MGST1: variants seen among roughly 807,000 people sequenced by gnomAD.
MGST1 encodes the protein glutathione S-transferase 12.
A neutral mutation model predicts 8.9 loss-of-function variants in MGST1; 5 were observed. The ratio of observed to expected loss-of-function variants is 0.56; its 90% CI spans 0.29 to 1.19. MGST1 has a LOEUF of 1.19. MGST1 is among the 50% of genes most tolerant of loss of function. The pLI, the probability that MGST1 is intolerant of heterozygous loss-of-function variation, is 0.08. For synonymous variants in MGST1, 54 were observed against 67.8 expected, an observed-to-expected ratio of 0.80 and a Z score of 1.00; for missense variants, 182 against 187.4, an observed-to-expected ratio of 0.97 and a Z score of 0.17.
chr12:16,368,400 C>T (rs1442910807), downstream of MGST1, among the ~76,000 whole-genome samples: 4 of 152,116 alleles, frequency 2.6e-5, no homozygotes, highest in Non-Finnish European at 5.9e-5. Flanking sequence ...AGGCAATTTG[C>T]CTTGGGAGTC....
chr12:16,526,991 T>C (rs1555109592), intron 4 of MGST1, among the ~76,000 whole-genome samples: 7 of 152,130 alleles, frequency 4.6e-5, no homozygotes, highest in Middle Eastern at 6.8e-3. Context: ...CTGCTGTATC[T>C]ATCATCATCT....
Position 16,544,591 on chromosome 12 carries a change from C to T in MGST1, n.483-44937C>T, listed in dbSNP as rs1307280005. 6.6e-6 allele frequency among the ~76,000 whole-genome samples: 1 copy of T among 151,884 alleles called. No homozygotes were observed. The highest frequency in any genetic ancestry group is 1.5e-5 in the Non-Finnish European group (1 of 67,906). On this transcript the variant is annotated intron_variant and non_coding_transcript_variant, in intron 4 of 4. Coordinates refer to the MGST1 transcript ENST00000538857. This position sits in a 1 kb window ranked among gnomAD's most constrained non-coding sequence, Gnocchi z 4.8. ...CATTATAATCAGTTCAGAAGTGGTC[C>T]AGTAATTTGTGTGAGAAAAAGAATT...
downstream of MGST1, chr12:16,438,904 G>C (rs551509682): frequency 6.6e-6 from 1 of 151,936 alleles, no homozygotes; most frequent in East Asian, 2.0e-4. Context: ...GTGAGCAAAG[G>C]GGGTGAAAGG....
At chr12:16,379,523 T>G (rs1172642281), downstream of MGST1, among the ~76,000 whole-genome samples, 1 of 152,238 alleles carries the variant, frequency 6.6e-6, no homozygotes, top group African/African-American at 2.4e-5. Flanking sequence ...GGATAAGTTT[T>G]TGATGTGCTG....
chr12:16,581,970 T>C (rs527841845), intron 4 of MGST1, among the ~76,000 whole-genome samples: 23 of 152,248 alleles, frequency 1.5e-4, no homozygotes, highest in African/African-American at 5.1e-4. Context: ...TTTTTTACTA[T>C]TTATATTTAT....
At chr12:16,528,519 A>G (rs941471292) in intron 4 of MGST1, among the ~76,000 whole-genome samples, 3 of 152,064 alleles carry the variant, frequency 2.0e-5, no homozygotes, top group Non-Finnish European at 1.5e-5. Flanking sequence ...CTAGGCAGTC[A>G]GATGTATGTC....
chr12:16,365,090 G>T (rs1266755992), downstream of MGST1, among the ~76,000 whole-genome samples: 1 of 152,100 alleles, frequency 6.6e-6, no homozygotes, highest in African/African-American at 2.4e-5. Context: ...ATTTAGTAAG[G>T]TAGTGTCAAC....
chr12:16,351,604 G>A (rs1027464791), intron 1 of MGST1, among the ~76,000 whole-genome samples: 3 of 152,160 alleles, frequency 2.0e-5, no homozygotes, highest in African/African-American at 7.2e-5. Context: ...GAGGTCAGGA[G>A]TTTAAGACCA....
At chr12:16,426,073 C>T (rs1940883687) in intron 1 of MGST1, among the ~76,000 whole-genome samples, 1 of 152,162 alleles carries the variant, frequency 6.6e-6, no homozygotes, top group African/African-American at 2.4e-5. Context: ...ACCCTCCACA[C>T]TCCTAATAGA....
At chr12:16,545,353 C>A (rs1443915885) in intron 4 of MGST1, among the ~76,000 whole-genome samples, 1 of 152,014 alleles carries the variant, frequency 6.6e-6, no homozygotes, top group Non-Finnish European at 1.5e-5. Context: ...ACCGATGTCT[C>A]TCAGGCAAAT....
rs774047027 is a variant in MGST1, at chr12:16,361,583, G to A, written c.222-2212G>A. Among the ~76,000 whole-genome samples the A allele has an allele frequency of 5.9e-5, 9 of 152,208 alleles. No individual in the cohort carries two copies. The highest frequency in any genetic ancestry group is 2.1e-4 in the South Asian group (1 of 4,828). ...GTGAAGGAAGCTGCCGCTCCAGGAA[G>A]GAGTCTGTCGTTGGAGAAGAGGGGA... On this transcript the variant is annotated intron_variant, in intron 3 of 3. Transcript: ENST00000396210. This position sits in a 1 kb window ranked among gnomAD's most constrained non-coding sequence, Gnocchi z 4.2.
chr12:16,421,761 G>A (rs1227992177), intron 1 of MGST1, among the ~76,000 whole-genome samples: 1 of 152,094 alleles, frequency 6.6e-6, no homozygotes, highest in African/African-American at 2.4e-5. Flanking sequence ...TCATGATGGT[G>A]GGTCAAAGAC....
intron 1 of MGST1, among the ~76,000 whole-genome samples, chr12:16,398,402 A>G (rs1565447081): frequency 6.6e-6 from 1 of 152,214 alleles, no homozygotes; most frequent in Non-Finnish European, 1.5e-5. Context: ...TGTTGTAGAT[A>G]TGGCCTCCCT....
chr12:16,487,628 C>A (rs933893029), intron 4 of MGST1, among the ~76,000 whole-genome samples: 4 of 152,072 alleles, frequency 2.6e-5, no homozygotes, highest in African/African-American at 9.7e-5. Context: ...GAAATAATAT[C>A]TATATCTTCT....
At chr12:16,528,377 A>AG (rs1941702359) in intron 4 of MGST1, among the ~76,000 whole-genome samples, 1 of 152,052 alleles carries the variant, frequency 6.6e-6, no homozygotes. Context: ...GACAATAAAA[A>AG]TGAATATAAA....
At chr12:16,558,196 T>C (rs1411267661) in intron 4 of MGST1, among the ~76,000 whole-genome samples, 1 of 152,106 alleles carries the variant, frequency 6.6e-6, no homozygotes, top group African/African-American at 2.4e-5. Flanking sequence ...ATTTATACAA[T>C]GTCATTTGTC....
intron 4 of MGST1, among the ~76,000 whole-genome samples, chr12:16,502,068 T>C (rs943921978): frequency 1.3e-5 from 2 of 152,158 alleles, no homozygotes; most frequent in African/African-American, 2.4e-5. Flanking sequence ...ATAAAAACCA[T>C]GTTTTGCTGT....
At chr12:16,391,171 C>T (rs2111161) in intron 1 of MGST1, among the ~76,000 whole-genome samples, 57,575 of 144,846 alleles carry the variant, frequency 0.4, 11,155 homozygotes, top group East Asian at 0.51. Flanking sequence ...ACTTCAAGTT[C>T]TGGGATACAT....
At chr12:16,541,419 TC>T (rs1354226621) in intron 4 of MGST1, among the ~76,000 whole-genome samples, 1 of 152,192 alleles carries the variant, frequency 6.6e-6, no homozygotes, top group Non-Finnish European at 1.5e-5. Context: ...ACAATGGCTT[TC>T]TTTTTGATCT....
Sources: allele counts gnomAD v4.1 joint callset (sites outside exome capture counted in the v4.1 genomes callset), GRCh38; gene constraint gnomAD v4.1.1; non-coding constraint Gnocchi (gnomAD v3.1); transcripts MANE v1.5; gene names NCBI Gene and HGNC (gene_info 2026-07-23, HGNC 2026-07-21).